TENM2: variants seen among roughly 807,000 people sequenced by gnomAD.
TENM2 encodes the protein teneurin transmembrane protein 2.
Under a neutral mutation model 245.2 loss-of-function variants are expected in TENM2, and 52 were observed. The ratio of observed to expected loss-of-function variants is 0.21; its 90% CI spans 0.17 to 0.27. The LOEUF is 0.27. Among genes scored for constraint, TENM2 ranks in the 10% least tolerant of loss-of-function variants. TENM2 has a pLI of 1.00. For synonymous variants in TENM2, 1,363 were observed against 1,438.9 expected (o/e 0.95, Z 1.19); for missense variants, 3,046 against 3,666.8 (o/e 0.83, Z 4.37).
intron 2 of TENM2, among the ~76,000 whole-genome samples, chr5:167,508,570 C>T (rs1237104416): frequency 6.6e-6 from 1 of 152,164 alleles, no homozygotes; most frequent in Non-Finnish European, 1.5e-5. Context: ...TGTATGTTAT[C>T]ATCCCCCAAA....
chr5:167,976,834 A>G (rs1782477145), intron 4 of TENM2, among the ~76,000 whole-genome samples: 1 of 152,216 alleles, frequency 6.6e-6, no homozygotes, highest in South Asian at 2.1e-4. Context: ...TACCCAAATG[A>G]ATATAAATTA....
intron 19 of TENM2, among the ~76,000 whole-genome samples, chr5:168,206,110 G>C (rs949019495): frequency 2.0e-5 from 3 of 152,242 alleles, no homozygotes; most frequent in Admixed American, 1.3e-4. Context: ...CCTGACAACT[G>C]AGTGGATGAT....
chr5:167,626,962 A>G (rs1778550874), intron 2 of TENM2, among the ~76,000 whole-genome samples: 1 of 152,134 alleles, frequency 6.6e-6, no homozygotes, highest in African/African-American at 2.4e-5. Context: ...TTCTGATTAG[A>G]GTTGTCCTCC....
At chr5:167,463,644 A>G (rs1258790193) in intron 2 of TENM2, among the ~76,000 whole-genome samples, 3 of 151,906 alleles carry the variant, frequency 2.0e-5, no homozygotes, top group Non-Finnish European at 4.4e-5. Flanking sequence ...GATTATGGGC[A>G]TGCACCATCA....
chr5:167,939,193 A>G (rs967419342), intron 3 of TENM2, among the ~76,000 whole-genome samples: 13 of 152,162 alleles, frequency 8.5e-5, no homozygotes, highest in African/African-American at 2.9e-4. Context: ...CAAATTTTCT[A>G]CGGAAGAGGG....
At chr5:168,083,818 G>A (rs1792210259) in intron 7 of TENM2, among the ~76,000 whole-genome samples, 2 of 152,066 alleles carry the variant, frequency 1.3e-5, no homozygotes, top group African/African-American at 4.8e-5. Context: ...TGATGCTAAG[G>A]TTTGGTCTAC....
At chr5:167,728,444 A>G (rs1328889265) in intron 2 of TENM2, among the ~76,000 whole-genome samples, 2 of 151,952 alleles carry the variant, frequency 1.3e-5, no homozygotes, top group Non-Finnish European at 2.9e-5. Flanking sequence ...CTCTACTAAA[A>G]AATAAAAAAT....
At chr5:168,262,967 A>G in exon 29 of TENM2, 8 of 667,970 alleles carry the variant, frequency 1.2e-5, no homozygotes, top group Non-Finnish European at 1.7e-5. Context: ...TTCAAATGCT[A>G]CTGTCCAAGC....
At chr5:167,537,378 G>T (rs984180811) in intron 2 of TENM2, among the ~76,000 whole-genome samples, 1 of 152,046 alleles carries the variant, frequency 6.6e-6, no homozygotes, top group Non-Finnish European at 1.5e-5. Context: ...TGCTGGTCAC[G>T]TAGTGACAAT....
chr5:168,129,953 T>C (rs1052879584), intron 12 of TENM2: 8 of 152,196 alleles, frequency 5.3e-5, no homozygotes, highest in Non-Finnish European at 2.9e-5. Context: ...GGCAGAATTG[T>C]GGGAGTTAGT....
At chr5:167,580,916 G>T (rs1582446325) in intron 2 of TENM2, among the ~76,000 whole-genome samples, 1 of 152,228 alleles carries the variant, frequency 6.6e-6, no homozygotes, top group Non-Finnish European at 1.5e-5. Flanking sequence ...TTGAACCCAG[G>T]AGGCGGACGT....
intron 2 of TENM2, among the ~76,000 whole-genome samples, chr5:167,857,532 T>C (rs886518150): frequency 3.3e-5 from 5 of 152,168 alleles, no homozygotes; most frequent in African/African-American, 1.2e-4. Flanking sequence ...CTACAGTACA[T>C]TGGGTCTCTC....
intron 12 of TENM2, among the ~76,000 whole-genome samples, chr5:168,134,973 G>A (rs560273093): frequency 4.6e-5 from 7 of 152,214 alleles, no homozygotes; most frequent in Non-Finnish European, 7.3e-5. Flanking sequence ...CCTAGCCAGC[G>A]TCTTAGAACA....
the TENM2 span, among the ~76,000 whole-genome samples, chr5:166,979,231 CAGCA>C: frequency 1.1e-4 from 17 of 151,898 alleles, no homozygotes; most frequent in East Asian, 9.7e-4. Context: ...GCAGCAGCAG[CAGCA>C]GCCGCCGCGG....
At chr5:167,123,633 G>A in the TENM2 span, among the ~76,000 whole-genome samples, 1 of 152,136 alleles carries the variant, frequency 6.6e-6, no homozygotes, top group African/African-American at 2.4e-5. Flanking sequence ...CCACTCTAAA[G>A]GGATGCCTCA....
chr5:168,039,332 T>C (rs1311488547), intron 5 of TENM2, among the ~76,000 whole-genome samples: 2 of 151,984 alleles, frequency 1.3e-5, no homozygotes, highest in African/African-American at 4.8e-5. Flanking sequence ...AAGACAAATA[T>C]TGTTTGGGTT....
chr5:168,089,091 G>T (rs1204368650), intron 7 of TENM2, among the ~76,000 whole-genome samples: 3 of 152,204 alleles, frequency 2.0e-5, no homozygotes, highest in Non-Finnish European at 4.4e-5. Flanking sequence ...GATTAGTCCA[G>T]TTCTACTGGG....
At position 168,007,648 on chromosome 5, in the gene TENM2, CAG is replaced by C. The variant is rs916752487; in HGVS notation, c.1186+14468_1186+14469del. Among the ~76,000 whole-genome samples, 36 of 152,324 alleles carry C rather than the reference CAG, an allele frequency of 2.4e-4. 1 individual carries two copies. In the Middle Eastern group the frequency reaches 0.014, roughly 58 times the overall value. On this transcript the variant is annotated intron_variant, in intron 5 of 28. Coordinates refer to ENST00000518659, the Ensembl canonical transcript of TENM2. ...GGGTTCTCTTTTCTACACCTTGACA[CAG>C]AATTCCTTTCTTGACACACTGAAAC...
At chr5:167,780,009 A>G (rs1187652296) in intron 2 of TENM2, among the ~76,000 whole-genome samples, 4 of 152,156 alleles carry the variant, frequency 2.6e-5, no homozygotes, top group Admixed American at 2.0e-4. Context: ...AAATATCCCA[A>G]ATTTGTAGAG....
Sources: gnomAD v4.1 joint callset for allele counts (sites outside exome capture counted in the v4.1 genomes callset) on GRCh38, gnomAD v4.1.1 for gene constraint, MANE v1.5 for transcripts, NCBI Gene and HGNC (gene_info 2026-07-23, HGNC 2026-07-21) for gene names.